Variants in NOP2 observed in about 807,000 individuals in gnomAD.
NOP2 encodes the protein 28S rRNA (cytosine(4447)-C(5))-methyltransferase.
NOP2 carries 7 observed loss-of-function variants against 72.7 expected under a neutral mutation model. The ratio of observed to expected loss-of-function variants is 0.10; its 90% confidence interval spans 0.05 to 0.18. NOP2 has a LOEUF of 0.18. Ranked by LOEUF, NOP2 falls within the 10% of genes least tolerant of loss-of-function variation. The pLI is 1.00. For synonymous variants in NOP2, 387 were observed against 388.0 expected, an observed-to-expected ratio of 1.00 and a Z score of 0.03; for missense variants, 954 against 1,014.7, an observed-to-expected ratio of 0.94 and a Z score of 0.81.
intron 5 of NOP2, chr12:6,564,357 C>A: frequency 1.1e-5 from 2 of 174,126 alleles, no homozygotes; most frequent in South Asian, 9.5e-5. Flanking sequence ...TTCACTTTTC[C>A]ATTAAGAAAA....
In NOP2 at chr12:6,561,671, G is replaced by A; in HGVS notation, c.1200C>T (p.Ser400=). ...DMCCAPGGKT[S]YMAQLMKNTG... is the part of the protein sequence containing the mutation. ...TGCCTGCCCCTCTCATACCCATGTAGCTGGTCTTTCCTCCAGGGGCACAAC... is the reference window on the plus strand; with the variant it reads ...TGCCTGCCCCTCTCATACCCATGTAACTGGTCTTTCCTCCAGGGGCACAAC... The change falls in exon 11 of 16, where the codon AGC becomes AGT. Residue 400 remains serine, a synonymous_variant. Coordinates refer to ENST00000322166, the MANE Select transcript of NOP2 (RefSeq NM_001258308.2). 6.2e-7 allele frequency: 1 copy of A among 1,613,778 alleles called. No individual in the cohort carries two copies. The highest frequency in any genetic ancestry group is 8.5e-7 in the Non-Finnish European group (1 of 1,179,812).
chr12:6,567,601 C>T (rs1318131473), intron 2 of NOP2: 1 of 467,790 alleles, frequency 2.1e-6, no homozygotes, highest in Non-Finnish European at 3.8e-6. Context: ...CACACTTTTC[C>T]CTTGCATGAA....
intron 15 of NOP2, among the ~76,000 whole-genome samples, chr12:6,559,774 A>T (rs975348451): frequency 6.6e-6 from 1 of 152,242 alleles, no homozygotes; most frequent in African/African-American, 2.4e-5. Flanking sequence ...GCAGAGGTCC[A>T]GTACCAGTAA....
chr12:6,565,134 C>T (rs1025374325), intron 5 of NOP2, among the ~76,000 whole-genome samples: 1 of 151,378 alleles, frequency 6.6e-6, no homozygotes, highest in Middle Eastern at 3.4e-3. Context: ...TAGGGAATTA[C>T]TATGTCAAAA....
intron 15 of NOP2, among the ~76,000 whole-genome samples, chr12:6,559,478 A>G (rs1947590093): frequency 6.6e-6 from 1 of 152,054 alleles, no homozygotes; most frequent in African/African-American, 2.4e-5. Context: ...CGAATTCCTG[A>G]CCTCAGGTGA....
At position 6,567,848 on chromosome 12, in the gene NOP2, G is replaced by T; in HGVS notation, c.71C>A (p.Ala24Asp). Reference protein sequence around the residue: ...PGRKARKQKGAETELVRFLPA... With the variant: ...PGRKARKQKGDETELVRFLPA... Reference sequence around the variant, plus strand: ...CAAGAATCTGACGAGTTCTGTCTCGGCACCCTTCTGCTTCCGGGCCTTTCG... The same window carrying T: ...CAAGAATCTGACGAGTTCTGTCTCGTCACCCTTCTGCTTCCGGGCCTTTCG... The change falls in exon 2 of 16, where the codon GCC (alanine) becomes GAC (aspartate). Residue 24 changes from alanine to aspartate, a missense_variant. Ala to Asp is a moderately radical substitution (Grantham distance 126). This residue lies in a region of NOP2 where 498 missense variants were observed against 478.3 expected (regional missense o/e 1.04). Transcript: ENST00000322166. 6.2e-7 allele frequency: 1 copy of T among 1,613,990 alleles called. No individual in the cohort carries two copies. The highest frequency in any genetic ancestry group is 8.5e-7 in the Non-Finnish European group (1 of 1,179,874).
In NOP2 at chr12:6,560,866, T is replaced by C. The variant is rs537274552; in HGVS notation, c.1347+65A>G. ...TATTTACTAGGGTCGAGTCTAAACATTGAGGTCAGGAAGGGAGAAGGTCAA... is the reference window on the plus strand; with the variant it reads ...TATTTACTAGGGTCGAGTCTAAACACTGAGGTCAGGAAGGGAGAAGGTCAA... On this transcript the variant is annotated intron_variant, in intron 12 of 15. Transcript: ENST00000322166. The surrounding 1 kb of genome is among the most constrained non-coding windows in gnomAD (Gnocchi z 5.0). The C allele has an allele frequency of 1.1e-4, 170 of 1,610,692 alleles. 2 individuals carry two copies. In the African/African-American group the frequency reaches 1.5e-3, roughly 15 times the overall value.
rs114800871 is a variant in NOP2 at position 6,561,113 on chromosome 12, G to T, written c.1208-43C>A. ...ACAGTGCTGATCAGCCAGTTCCACT[G>T]TCTCCACACTTGCTCCCACCCTCCT... On this transcript the variant is annotated intron_variant, in intron 11 of 15. Coordinates refer to ENST00000322166, the MANE Select transcript of NOP2 (RefSeq NM_001258308.2). 1.8e-4 allele frequency: 284 copies of T among 1,606,124 alleles called. 1 individual carries two copies. The African/African-American group carries it at 2.7e-3, about 15-fold the overall frequency.
Position 6,557,040 on chromosome 12 carries a change from T to A in NOP2, c.2392A>T (p.Arg798Trp). The A allele has an allele frequency of 6.2e-7, 1 of 1,614,004 alleles. No individual in the cohort carries two copies. The highest frequency in any genetic ancestry group is 8.5e-7 in the Non-Finnish European group (1 of 1,179,884). Residue 798 changes from arginine to tryptophan, a missense_variant, in exon 16 of 16, where the codon AGG becomes TGG. Arg to Trp is a moderately radical substitution (Grantham distance 101, BLOSUM62 -3). Coordinates refer to ENST00000322166, the MANE Select transcript of NOP2 (RefSeq NM_001258308.2). ...TTGCCCCTGGACTGAGATTTCTTCC[T>A]CTTTGCTGGTGGGGGGCGGCTGGAA... is the stretch of plus-strand genomic sequence containing the variant. ...IRSSRPPPAK[R>W]KKSQSRGNSQ...
At chr12:6,564,546 G>A (rs928789541) in intron 5 of NOP2, among the ~76,000 whole-genome samples, 1 of 151,700 alleles carries the variant, frequency 6.6e-6, no homozygotes, top group African/African-American at 2.4e-5. Flanking sequence ...TCCTGCCTCA[G>A]CCTCCCAAGT....
intron 1 of NOP2, 34 bp downstream of exon 1, chr12:6,568,173 C>A (rs2136182623): frequency 2.0e-6 from 1 of 507,572 alleles, no homozygotes; most frequent in Non-Finnish European, 3.5e-6. Flanking sequence ...GTCAGTGCTG[C>A]CACTCTTCGT....
intron 11 of NOP2, among the ~76,000 whole-genome samples, 179 bp downstream of exon 11, chr12:6,561,485 G>C (rs749041674): frequency 6.6e-6 from 1 of 152,212 alleles, no homozygotes; most frequent in Non-Finnish European, 1.5e-5. Flanking sequence ...TCCATAGTCA[G>C]ATGGGTAGTA....
chr12:6,566,985 T>A (rs1183162653), intron 2 of NOP2, among the ~76,000 whole-genome samples, 163 bp from the exon 3 acceptor site: 2 of 152,174 alleles, frequency 1.3e-5, no homozygotes, highest in Non-Finnish European at 2.9e-5. Flanking sequence ...TTTCTTTTTT[T>A]TTTTTGAAAT....
Position 6,567,907 on chromosome 12 carries a change from C to A in NOP2, c.12G>T (p.Lys4Asn). Residue 4 changes from lysine (K) to asparagine (N), a missense_variant, in exon 2 of 16, where the codon AAG (lysine) becomes AAT (asparagine). Lys to Asn is a moderately conservative substitution (Grantham distance 94). This residue lies in a region of NOP2 where 498 missense variants were observed against 478.3 expected (regional missense o/e 1.04). Transcript: ENST00000322166. ...CCCGCTTCTCCTTCGTAGGGTCCAACTTGCGCCCCATGGTACTGTGGCAGG... is the reference window on the plus strand; with the variant it reads ...CCCGCTTCTCCTTCGTAGGGTCCAAATTGCGCCCCATGGTACTGTGGCAGG... MGR[K>N]LDPTKEKRGP... The A allele has an allele frequency of 6.2e-7, 1 of 1,614,024 alleles. No homozygotes were observed. The highest frequency in any genetic ancestry group is 8.5e-7 in the Non-Finnish European group (1 of 1,179,870).
chr12:6,565,160 T>A (rs1163219864), intron 5 of NOP2, among the ~76,000 whole-genome samples: 2 of 150,792 alleles, frequency 1.3e-5, no homozygotes, highest in Non-Finnish European at 3.0e-5. Context: ...CAGTTATTTT[T>A]TTTTTTTTTT....
At chr12:6,564,512 C>T (rs555727530) in intron 5 of NOP2, among the ~76,000 whole-genome samples, 52 of 151,906 alleles carry the variant, frequency 3.4e-4, no homozygotes, top group African/African-American at 1.2e-3. Flanking sequence ...ACTGCAACCT[C>T]CGCCTCCCAG....
chr12:6,558,767 C>T (rs1947572144), intron 15 of NOP2, among the ~76,000 whole-genome samples: 1 of 151,788 alleles, frequency 6.6e-6, no homozygotes, highest in Non-Finnish European at 1.5e-5. Flanking sequence ...CCCTTTGTTG[C>T]CCAGACAGGT....
chr12:6,558,700 C>G (rs1041546821), intron 15 of NOP2, among the ~76,000 whole-genome samples: 2 of 150,736 alleles, frequency 1.3e-5, no homozygotes, highest in African/African-American at 4.9e-5. Context: ...ACCTCAAACT[C>G]CTGGGGCTCA....
In NOP2 at chr12:6,562,354, A is replaced by G. The variant is rs1480875302; in HGVS notation, c.979-383T>C. ...CAGAAGACAGATGAAGACATTAAAC[A>G]CATGCTTCATAAAAACATGGCCCAT... On this transcript the variant is annotated intron_variant, in intron 9 of 15. Transcript: ENST00000322166. 3.3e-5 allele frequency among the ~76,000 whole-genome samples: 5 copies of G among 152,210 alleles called. No individual in the cohort carries two copies. In the East Asian group the frequency reaches 7.7e-4, roughly 23 times the overall value.
Sources: allele counts gnomAD v4.1 joint callset (sites outside exome capture counted in the v4.1 genomes callset), GRCh38; gene constraint gnomAD v4.1.1; regional missense constraint gnomAD v4.1.1; non-coding constraint Gnocchi (gnomAD v3.1); transcripts MANE v1.5; gene names NCBI Gene and HGNC (gene_info 2026-07-23, HGNC 2026-07-21).